Variants in NRG3 observed in about 807,000 individuals in gnomAD.
NRG3 encodes the protein neuregulin 3.
A neutral mutation model predicts 66.9 loss-of-function variants in NRG3; 31 were observed. The observed-to-expected ratio is 0.46, with a 90% confidence interval of 0.35 to 0.63. The LOEUF (loss-of-function observed/expected upper bound fraction) is 0.63. NRG3 is among the 20% of genes least tolerant of loss of function. NRG3 has a pLI of 0.00. For synonymous variants in NRG3, 393 were observed against 359.4 expected (o/e 1.09, Z -1.06); for missense variants, 910 against 878.9 (o/e 1.04, Z -0.45).
At chr10:82,952,457 C>CTG (rs1422402555) in intron 5 of NRG3, among the ~76,000 whole-genome samples, 1 of 30,106 alleles carries the variant, frequency 3.3e-5, no homozygotes, top group Non-Finnish European at 6.6e-5. Flanking sequence ...ATAAACGTCT[C>CTG]TCTCTCTCTC....
intron 2 of NRG3, among the ~76,000 whole-genome samples, chr10:82,570,879 T>C (rs2133111759): frequency 6.6e-6 from 1 of 151,784 alleles, no homozygotes; most frequent in African/African-American, 2.4e-5. Context: ...TCCTTCAATG[T>C]GACAGGTCTC....
At chr10:82,058,602 A>C (rs968203053) in intron 1 of NRG3, among the ~76,000 whole-genome samples, 1 of 151,542 alleles carries the variant, frequency 6.6e-6, no homozygotes, top group African/African-American at 2.4e-5. Context: ...AAATTAGCTT[A>C]ATTTAGGTCA....
chr10:82,210,236 G>C (rs562413808), intron 1 of NRG3, among the ~76,000 whole-genome samples: 8 of 152,224 alleles, frequency 5.3e-5, no homozygotes, highest in African/African-American at 1.9e-4. Context: ...TTTGAGGCTT[G>C]GCCAGGCTCT....
chr10:82,304,442 T>TTTTGACAATGATTTTGTC (rs2080592302), intron 1 of NRG3, among the ~76,000 whole-genome samples: 1 of 152,228 alleles, frequency 6.6e-6, no homozygotes, highest in Non-Finnish European at 1.5e-5. Context: ...ATCATTTGTC[T>TTTTGACAATGATTTTGTC]TTTGATTTTA....
rs1564682727 is a variant in NRG3 at position 82,973,894 on chromosome 10, GCCA to G, written c.1392_1394del (p.Ser464_Gln465delinsArg). The G allele has an allele frequency of 1.9e-6, 3 of 1,614,044 alleles. No individual in the cohort carries two copies. Among genetic ancestry groups the G allele is most frequent in the Non-Finnish European group, 2.5e-6 (3 of 1,179,962 alleles). ...GAGGTCCCTTCTCCTGACAGAGGAA[GCCA>G]GTCTGTCAAACACCACAGGTACAAG... On this transcript the variant is annotated inframe_deletion, in exon 7 of 9. Coordinates refer to ENST00000372141, the MANE Select transcript of NRG3 (RefSeq NM_001010848.4).
At chr10:82,430,765 G>T (rs1174696361) in intron 2 of NRG3, among the ~76,000 whole-genome samples, 1 of 152,096 alleles carries the variant, frequency 6.6e-6, no homozygotes, top group African/African-American at 2.4e-5. Context: ...GGATGGTTTG[G>T]TGTCAGCTAA....
chr10:82,771,309 T>TA (rs1234043543), intron 3 of NRG3, among the ~76,000 whole-genome samples: 1 of 152,148 alleles, frequency 6.6e-6, no homozygotes, highest in Non-Finnish European at 1.5e-5. Flanking sequence ...TTTTTAACGT[T>TA]AAAAAATGAA....
At chr10:82,511,178 A>G (rs991380976) in intron 2 of NRG3, among the ~76,000 whole-genome samples, 3 of 152,190 alleles carry the variant, frequency 2.0e-5, no homozygotes, top group Admixed American at 1.3e-4. Flanking sequence ...CATTCAGATC[A>G]TTTGGAAGCA....
intron 1 of NRG3, among the ~76,000 whole-genome samples, chr10:82,049,499 A>T (rs1263418044): frequency 1.3e-5 from 2 of 152,138 alleles, no homozygotes; most frequent in African/African-American, 2.4e-5. Flanking sequence ...GCTGCCAAGT[A>T]ACTTTCCAAA....
chr10:82,484,327 A>G (rs1166457999), intron 2 of NRG3, among the ~76,000 whole-genome samples: 1 of 152,202 alleles, frequency 6.6e-6, no homozygotes, highest in East Asian at 1.9e-4. Flanking sequence ...TCCTTGGCCA[A>G]AAGATTTAAC....
Position 81,876,262 on chromosome 10 carries a change from C to A in NRG3, c.823+99C>A, listed in dbSNP as rs549041429. The A allele has an allele frequency of 6.8e-5, 98 of 1,445,506 alleles. No homozygotes were observed. The African/African-American group carries it at 1.3e-3, about 19-fold the overall frequency. 89.5% of individuals were successfully genotyped at this position (1,445,506 alleles called of 1,614,324 possible). The stretch of plus-strand genomic sequence containing the variant: ...CGCCGCCTGTTTTCTAGCAAGCCCC[C>A]TCCCCCATCCCAGGTTTGGGGCAGA... On this transcript the variant is annotated intron_variant, in intron 1 of 8. Transcript: ENST00000372141.
At chr10:82,349,137 C>T (rs1395635549) in intron 1 of NRG3, among the ~76,000 whole-genome samples, 6 of 151,862 alleles carry the variant, frequency 4.0e-5, no homozygotes, top group East Asian at 1.9e-4. Flanking sequence ...GGAGGAGAGG[C>T]GCTCTGCTTT....
At position 82,240,303 on chromosome 10, in the gene NRG3, G is replaced by C. The variant is rs536495359; in HGVS notation, c.824-118436G>C. On this transcript the variant is annotated intron_variant, in intron 1 of 8. Coordinates refer to ENST00000372141, the MANE Select transcript of NRG3 (RefSeq NM_001010848.4). ...TAAAATTGGTAAATTATATGCATTT[G>C]AATAAAAAAAATCATTAACAGACTT... Among the ~76,000 whole-genome samples the C allele has an allele frequency of 2.6e-5, 4 of 151,870 alleles. No individual in the cohort carries two copies. In the South Asian group the frequency reaches 8.4e-4, roughly 32 times the overall value.
At chr10:82,050,602 C>G (rs780606937) in intron 1 of NRG3, among the ~76,000 whole-genome samples, 1 of 152,040 alleles carries the variant, frequency 6.6e-6, no homozygotes, top group Non-Finnish European at 1.5e-5. Flanking sequence ...TTTGGCAATA[C>G]AGAGACTCTC....
chr10:82,895,983 G>C (rs1224797048), intron 4 of NRG3, among the ~76,000 whole-genome samples: 1 of 152,124 alleles, frequency 6.6e-6, no homozygotes, highest in Admixed American at 6.5e-5. Context: ...TCAATGCAGT[G>C]GCTGAGACAT....
intron 2 of NRG3, among the ~76,000 whole-genome samples, chr10:82,452,561 G>A (rs1336111522): frequency 6.6e-6 from 1 of 152,098 alleles, no homozygotes; most frequent in Non-Finnish European, 1.5e-5. Context: ...CTCAGATAGA[G>A]AAATACAAAC....
At chr10:82,305,812 C>T (rs1286843764) in intron 1 of NRG3, among the ~76,000 whole-genome samples, 1 of 151,992 alleles carries the variant, frequency 6.6e-6, no homozygotes, top group Non-Finnish European at 1.5e-5. Context: ...GACAATTGTT[C>T]CTCCTCCTTA....
At chr10:81,968,799 G>A (rs2059823338) in intron 1 of NRG3, among the ~76,000 whole-genome samples, 1 of 152,168 alleles carries the variant, frequency 6.6e-6, no homozygotes, top group Non-Finnish European at 1.5e-5. Flanking sequence ...TTTGACTCCA[G>A]CATCTCTCAG....
chr10:82,436,080 C>A (rs1313510796), intron 2 of NRG3, among the ~76,000 whole-genome samples: 1 of 152,102 alleles, frequency 6.6e-6, no homozygotes, highest in Non-Finnish European at 1.5e-5. Flanking sequence ...GAGTTCAAGT[C>A]ATGAATATCC....
Sources: gnomAD v4.1 joint callset for allele counts (sites outside exome capture counted in the v4.1 genomes callset) on GRCh38, gnomAD v4.1.1 for gene constraint, MANE v1.5 for transcripts, NCBI Gene and HGNC (gene_info 2026-07-23, HGNC 2026-07-21) for gene names.